Variants in PAIP2 observed in about 807,000 individuals in gnomAD.
PAIP2 encodes polyadenylate-binding protein-interacting protein 2.
PAIP2 carries 7 observed loss-of-function variants against 14.8 expected under a neutral mutation model. That is an observed-to-expected ratio of 0.47 (90% confidence interval 0.27 to 0.89). PAIP2 has a LOEUF of 0.89. Ranked by LOEUF, PAIP2 falls within the 40% of genes least tolerant of loss-of-function variation. The pLI is 0.13. For missense variants in PAIP2, 122 were observed against 154.7 expected, an observed-to-expected ratio of 0.79 and a Z score of 1.12; for synonymous variants, 47 against 45.3, an observed-to-expected ratio of 1.04 and a Z score of -0.15.
chr5:139,358,816 C>T (rs944967642), intron 1 of PAIP2, among the ~76,000 whole-genome samples: 1 of 152,052 alleles, frequency 6.6e-6, no homozygotes, highest in South Asian at 2.1e-4. Context: ...ATAGGCAAAT[C>T]TATAGAGACA....
intron 1 of PAIP2, among the ~76,000 whole-genome samples, chr5:139,360,415 T>G (rs1757034938): frequency 6.6e-6 from 1 of 152,220 alleles, no homozygotes; most frequent in Non-Finnish European, 1.5e-5. Context: ...TCCTAACAAA[T>G]CATATTATCA....
At chr5:139,342,278 C>T (rs574376387) in intron 1 of PAIP2, among the ~76,000 whole-genome samples, 3 of 152,222 alleles carry the variant, frequency 2.0e-5, no homozygotes, top group South Asian at 2.1e-4. Context: ...ATAGCACTTT[C>T]TCCTGTTCCT....
chr5:139,367,121 A>G (rs1052626823), intron 3 of PAIP2: 2 of 152,238 alleles, frequency 1.3e-5, no homozygotes, highest in Non-Finnish European at 2.9e-5. Flanking sequence ...AAATGTAGAT[A>G]CATTATTTCC....
In PAIP2 at chr5:139,369,133, A is replaced by G. The variant is rs537620117; in HGVS notation, c.*335A>G. 5.5e-6 allele frequency: 1 copy of G among 181,584 alleles called. No homozygotes were observed. Among genetic ancestry groups the G allele is most frequent in the East Asian group, 1.3e-4 (1 of 7,486 alleles). The allele number at this position is 181,584 out of a possible 1,614,324, so 11.2% of individuals were successfully genotyped here. The stretch of plus-strand genomic sequence containing the variant: ...TAATCTATCACTTGTTAATGTCTAA[A>G]CTTTAAAATCAGTACATTTAATTTG... On this transcript the variant is annotated 3_prime_UTR_variant, in exon 4 of 4. Coordinates refer to ENST00000265192, the MANE Select transcript of PAIP2 (RefSeq NM_016480.5).
chr5:139,368,787 G>A lies in PAIP2; in HGVS notation c.373G>A (p.Gly125Arg), dbSNP rs1357183244. The A allele has an allele frequency of 6.2e-6, 10 of 1,611,740 alleles. No individual in the cohort carries two copies. The highest frequency in any genetic ancestry group is 2.2e-5 in the East Asian group (1 of 44,854). ...GGAGTTTGTTCCTGGGGTGAAGTAC[G>A]GAAATATTTGAGTAGACGGGGCCCT... ...AKEFVPGVKY[G>R]NI Residue 125 changes from glycine (G) to arginine (R), a missense_variant, in exon 4 of 4, where the codon GGA becomes AGA. This residue lies in a region of PAIP2 where 46 missense variants were observed against 44.0 expected (regional missense o/e 1.05). Transcript: ENST00000265192.
At chr5:139,368,121 G>A (rs2152058416) in intron 3 of PAIP2, among the ~76,000 whole-genome samples, 1 of 152,300 alleles carries the variant, frequency 6.6e-6, no homozygotes, top group Admixed American at 6.5e-5. Context: ...GGATCACGAG[G>A]TCAGGAGATC....
intron 1 of PAIP2, among the ~76,000 whole-genome samples, chr5:139,360,520 T>C (rs1757037630): frequency 6.6e-6 from 1 of 152,074 alleles, no homozygotes; most frequent in Admixed American, 6.5e-5. Flanking sequence ...CAAGATAGGG[T>C]CTTGCTCTGC....
At chr5:139,366,582 T>TA (rs915315070) in intron 3 of PAIP2, among the ~76,000 whole-genome samples, 2 of 152,208 alleles carry the variant, frequency 1.3e-5, no homozygotes, top group African/African-American at 4.8e-5. Context: ...TATGATTACT[T>TA]ACGGCTACAT....
intron 1 of PAIP2, 33 bp from the exon 2 acceptor site, chr5:139,363,726 T>G: frequency 6.3e-7 from 1 of 1,580,268 alleles, no homozygotes; most frequent in South Asian, 1.2e-5. Flanking sequence ...CCTGAATGAG[T>G]AAGTAAATTA....
rs147064596 is a variant in PAIP2, at chr5:139,365,422, G to A, written c.318+679G>A. Among the ~76,000 whole-genome samples, 1,189 of 151,440 alleles carry A rather than the reference G, an allele frequency of 7.9e-3. 17 individuals are homozygous for A. Among genetic ancestry groups the A allele is most frequent in the African/African-American group, 0.025 (1,034 of 41,272 alleles). On this transcript the variant is annotated intron_variant, in intron 3 of 3. Transcript: ENST00000265192. ...GGAGAATTGCTTGAATCTGGGAGGC[G>A]GAGGTTGCAGTGAGTGGAGATCGCA...
rs56677878 is a variant in PAIP2 at position 139,348,145 on chromosome 5, C to CAAAAA, written c.-27+6180_-27+6184dup. 4.3e-5 allele frequency among the ~76,000 whole-genome samples: 3 copies of CAAAAA among 69,664 alleles called. No individual in the cohort carries two copies. In the East Asian group the frequency reaches 1.5e-3, roughly 35 times the overall value. 45.7% of individuals were successfully genotyped at this position (69,664 alleles called of 152,430 possible). ...TGGGCAACAGAGTGAGACTCCATGT[C>CAAAAA]AAAAAAAAAAAAAAAAAAACTACGA... On this transcript the variant is annotated intron_variant, in intron 1 of 3. Coordinates refer to ENST00000265192, the MANE Select transcript of PAIP2 (RefSeq NM_016480.5).
chr5:139,361,507 C>T (rs1757066303), intron 1 of PAIP2, among the ~76,000 whole-genome samples: 1 of 152,066 alleles, frequency 6.6e-6, no homozygotes, highest in Non-Finnish European at 1.5e-5. Context: ...TGATTTCAAA[C>T]TTAATGAATT....
rs748987318 is a variant in PAIP2, at chr5:139,364,772, AC to A, written c.318+31del. ...AAAAGTTATTTTTCATCTTTTTAAA[AC>A]CTAGTGCATCTTTTGCATAAGTGGA... On this transcript the variant is annotated intron_variant, in intron 3 of 3. Transcript: ENST00000265192. The A allele has an allele frequency of 1.5e-5, 22 of 1,448,166 alleles. No homozygotes were observed. The South Asian group carries it at 2.4e-4, about 16-fold the overall frequency. The allele number at this position is 1,448,166 out of a possible 1,614,324, so 89.7% of individuals were successfully genotyped here. A position where few individuals can be genotyped will look rare whatever the true frequency, so the allele number is the denominator to read the frequency against.
At chr5:139,351,505 G>A (rs1756733072) in intron 1 of PAIP2, among the ~76,000 whole-genome samples, 1 of 152,138 alleles carries the variant, frequency 6.6e-6, no homozygotes, top group African/African-American at 2.4e-5. Context: ...ATACAGAAAT[G>A]CTTTATGTGT....
At chr5:139,364,344 TG>T (rs1757155091) in intron 2 of PAIP2, among the ~76,000 whole-genome samples, 1 of 151,980 alleles carries the variant, frequency 6.6e-6, no homozygotes, top group African/African-American at 2.4e-5. Context: ...CCACCCTCAA[TG>T]GAAAAAAGAA....
At chr5:139,366,130 GA>G (rs1477674676) in intron 3 of PAIP2, among the ~76,000 whole-genome samples, 1 of 151,360 alleles carries the variant, frequency 6.6e-6, no homozygotes, top group African/African-American at 2.4e-5. Context: ...ATGAATCTGG[GA>G]GGTGGAGGTT....
intron 1 of PAIP2, among the ~76,000 whole-genome samples, chr5:139,348,171 G>A (rs1384691741): frequency 1.3e-5 from 2 of 150,956 alleles, no homozygotes; most frequent in African/African-American, 2.4e-5. Flanking sequence ...AAAACTACGA[G>A]TGATGAATTT....
At position 139,344,333 on chromosome 5, in the gene PAIP2, G is replaced by A. The variant is rs116286067; in HGVS notation, c.-27+2353G>A. Among the ~76,000 whole-genome samples the A allele has an allele frequency of 6.9e-3, 1,056 of 152,282 alleles. 9 individuals carry two copies. Among genetic ancestry groups the A allele is most frequent in the African/African-American group, 0.017 (724 of 41,548 alleles). On this transcript the variant is annotated intron_variant, in intron 1 of 3. Transcript: ENST00000265192. ...TAGCATAGCTGGGATTTGAACCTAC[G>A]TCTTCTGACTGTGGTCTAAGATTAA... is the stretch of plus-strand genomic sequence containing the variant.
intron 1 of PAIP2, chr5:139,342,835 T>C (rs2152042318): frequency 6.6e-6 from 1 of 152,312 alleles, no homozygotes; most frequent in Admixed American, 6.5e-5. Context: ...TGCTTCCTTT[T>C]GTTTCTTTTT....
Sources: gnomAD v4.1 joint callset for allele counts (sites outside exome capture counted in the v4.1 genomes callset) on GRCh38, gnomAD v4.1.1 for gene constraint, gnomAD v4.1.1 regional missense constraint, MANE v1.5 for transcripts, NCBI Gene and HGNC (gene_info 2026-07-23, HGNC 2026-07-21) for gene names.